The following ELP3 variants were observed in gnomAD, a reference collection of about 807,000 sequenced individuals.
ELP3 encodes elongator acetyltransferase complex subunit 3, also known as elongator complex protein 3.
A neutral mutation model predicts 74.9 loss-of-function variants in ELP3; 56 were observed. That is an observed-to-expected ratio of 0.75 (90% confidence interval 0.60 to 0.93). The LOEUF is 0.93. Ranked by LOEUF, ELP3 falls within the 40% of genes least tolerant of loss-of-function variation. The probability of loss-of-function intolerance (pLI) is 0.00; values close to 1 mark genes in which losing one functional copy is unlikely to be tolerated. For missense variants in ELP3, 573 were observed against 686.5 expected (o/e 0.83, Z 1.85); for synonymous variants, 222 against 239.8 (o/e 0.93, Z 0.68).
Position 28,147,028 on chromosome 8 carries a change from T to C in ELP3, c.1101-8914T>C, listed in dbSNP as rs1813461050. ...TAGGGTCTTGCACTTGGCTTAATAT[T>C]CTGCTGTCACCGTCTTGAAATTATT... is the stretch of plus-strand genomic sequence containing the variant. On this transcript the variant is annotated intron_variant, in intron 10 of 14. Coordinates refer to ENST00000256398, the MANE Select transcript of ELP3 (RefSeq NM_018091.6). This position sits in a 1 kb window ranked among gnomAD's most constrained non-coding sequence, Gnocchi z 4.5. Among the ~76,000 whole-genome samples, 1 of 152,180 alleles carries C rather than the reference T, an allele frequency of 6.6e-6. No individual in the cohort carries two copies. Among genetic ancestry groups the C allele is most frequent in the African/African-American group, 2.4e-5 (1 of 41,416 alleles).
intron 14 of ELP3, among the ~76,000 whole-genome samples, chr8:28,182,497 G>A (rs1013951101): frequency 6.6e-6 from 1 of 152,198 alleles, no homozygotes; most frequent in Non-Finnish European, 1.5e-5. Flanking sequence ...GGCGGCAGAG[G>A]TTGCAGTGAG....
At chr8:28,168,931 A>G (rs975087332) in intron 14 of ELP3, among the ~76,000 whole-genome samples, 1 of 152,264 alleles carries the variant, frequency 6.6e-6, no homozygotes, top group Non-Finnish European at 1.5e-5. Context: ...AGCAGCAACC[A>G]AGATACTAGT....
chr8:28,155,424 C>A (rs1280030063), intron 10 of ELP3, among the ~76,000 whole-genome samples: 1 of 152,114 alleles, frequency 6.6e-6, no homozygotes, highest in Non-Finnish European at 1.5e-5. Flanking sequence ...TCCTCTAATG[C>A]ACAGTCACTT....
At chr8:28,104,667 C>T (rs560139328) in intron 3 of ELP3, among the ~76,000 whole-genome samples, 1 of 152,330 alleles carries the variant, frequency 6.6e-6, no homozygotes, top group South Asian at 2.1e-4. Context: ...ATTCAGGTTA[C>T]GCGTCTTTGG....
intron 14 of ELP3, among the ~76,000 whole-genome samples, chr8:28,176,173 G>T (rs1814744268): frequency 6.6e-6 from 1 of 152,080 alleles, no homozygotes; most frequent in Admixed American, 6.5e-5. Flanking sequence ...TTCATTGTGT[G>T]TGTAGTCACT....
chr8:28,159,132 G>T (rs1813964167), intron 12 of ELP3, among the ~76,000 whole-genome samples: 1 of 152,094 alleles, frequency 6.6e-6, no homozygotes, highest in African/African-American at 2.4e-5. Context: ...TTACCCACAG[G>T]CTCCACAAAA....
Position 28,189,722 on chromosome 8 carries a change from A to G in ELP3, c.1641A>G (p.Lys547=). The change falls in exon 15 of 15, where the codon AAA becomes AAG. Residue 547 remains lysine (K), a synonymous_variant. Transcript: ENST00000256398. ...LQGPYMVKML[K] Reference sequence around the variant, plus strand: ...GCCCGTACATGGTGAAGATGCTGAAATAATGGCCACACCAGTCCACTCTTC... The same window carrying G: ...GCCCGTACATGGTGAAGATGCTGAAGTAATGGCCACACCAGTCCACTCTTC... The G allele has an allele frequency of 1.2e-6, 2 of 1,614,016 alleles. No individual in the cohort carries two copies. The highest frequency in any genetic ancestry group is 1.7e-6 in the Non-Finnish European group (2 of 1,179,866).
intron 2 of ELP3, 114 bp downstream of exon 2, chr8:28,097,432 G>T: frequency 1.5e-6 from 1 of 654,150 alleles, no homozygotes; most frequent in Middle Eastern, 2.8e-4. Flanking sequence ...GAGAATTTTA[G>T]CTTTCTGCCT....
intron 14 of ELP3, among the ~76,000 whole-genome samples, chr8:28,171,969 A>G (rs141525189): frequency 6.6e-6 from 1 of 152,266 alleles, no homozygotes; most frequent in East Asian, 1.9e-4. Flanking sequence ...GTCGAAAAGA[A>G]AAGTGAAAGT....
At chr8:28,093,291 G>C in intron 1 of ELP3, 58 bp downstream of exon 1, 1 of 1,602,294 alleles carries the variant, frequency 6.2e-7, no homozygotes, top group Non-Finnish European at 8.5e-7. Flanking sequence ...GAACGCCCAG[G>C]CAATCAAATG....
At chr8:28,157,708 A>G (rs1256098195) in intron 11 of ELP3, among the ~76,000 whole-genome samples, 4 of 152,140 alleles carry the variant, frequency 2.6e-5, no homozygotes, top group African/African-American at 7.2e-5. Flanking sequence ...TATGGGGGGG[A>G]AATATACCAT....
At chr8:28,141,002 T>C (rs1813214704) in intron 10 of ELP3, among the ~76,000 whole-genome samples, 1 of 152,196 alleles carries the variant, frequency 6.6e-6, no homozygotes, top group African/African-American at 2.4e-5. Context: ...TAACCTTGTA[T>C]TTTCCCTAAG....
At chr8:28,160,740 G>A (rs926767655) in intron 13 of ELP3, among the ~76,000 whole-genome samples, 3 of 152,128 alleles carry the variant, frequency 2.0e-5, no homozygotes, top group African/African-American at 7.2e-5. Context: ...TGTCACCCAG[G>A]CCAGAGTGCA....
rs1815416642 is a variant in ELP3 at position 28,190,424 on chromosome 8, C to A, written c.*699C>A. The A allele has an allele frequency of 6.6e-6, 1 of 152,198 alleles. No individual in the cohort carries two copies. The highest frequency in any genetic ancestry group is 1.5e-5 in the Non-Finnish European group (1 of 68,098). The allele number at this position is 152,198 out of a possible 1,614,324, so 9.4% of individuals were successfully genotyped here. On this transcript the variant is annotated 3_prime_UTR_variant, in exon 15 of 15. Transcript: ENST00000256398. ...ATTCTTTGTTATCTCTACTTCCCAC[C>A]CTCTTGGCAACTACAGAGCAGTGTG...
chr8:28,094,203 T>G (rs1242813005), intron 1 of ELP3, among the ~76,000 whole-genome samples: 1 of 152,272 alleles, frequency 6.6e-6, no homozygotes, highest in Non-Finnish European at 1.5e-5. Context: ...TTTTAGTTTC[T>G]TCTGTCACCA....
At chr8:28,095,705 T>C (rs1368833943) in intron 1 of ELP3, among the ~76,000 whole-genome samples, 3 of 152,212 alleles carry the variant, frequency 2.0e-5, no homozygotes, top group Non-Finnish European at 4.4e-5. Flanking sequence ...GCTCTGCTGT[T>C]TACGATAGCT....
At chr8:28,186,299 G>A (rs1385321625) in intron 14 of ELP3, among the ~76,000 whole-genome samples, 2 of 152,134 alleles carry the variant, frequency 1.3e-5, no homozygotes, top group East Asian at 1.9e-4. Flanking sequence ...TAGCAACACC[G>A]AGCTGTATAC....
chr8:28,114,816 A>G (rs1310139070), intron 7 of ELP3, among the ~76,000 whole-genome samples: 3 of 152,182 alleles, frequency 2.0e-5, no homozygotes, highest in Non-Finnish European at 2.9e-5. Flanking sequence ...TTTGAAATGC[A>G]GTAGGGAGCA....
At chr8:28,134,963 C>T (rs1011165443) in intron 9 of ELP3, among the ~76,000 whole-genome samples, 4 of 151,486 alleles carry the variant, frequency 2.6e-5, no homozygotes, top group African/African-American at 9.7e-5. Flanking sequence ...GAGTCTCGCA[C>T]TGTCATTCAG....
Sources: gnomAD v4.1 joint callset for allele counts (sites outside exome capture counted in the v4.1 genomes callset) on GRCh38, gnomAD v4.1.1 for gene constraint, Gnocchi (gnomAD v3.1) non-coding constraint, MANE v1.5 for transcripts, NCBI Gene and HGNC (gene_info 2026-07-23, HGNC 2026-07-21) for gene names.